Variants in NEUROD2 observed in about 807,000 individuals in gnomAD.
NEUROD2 encodes the protein neuronal differentiation 2, also known as neurogenic differentiation factor 2.
NEUROD2 carries 5 observed loss-of-function variants against 9.3 expected under a neutral mutation model. The ratio of observed to expected loss-of-function variants is 0.54; its 90% CI spans 0.28 to 1.13. The LOEUF (loss-of-function observed/expected upper bound fraction) is 1.13, where lower values mean the gene tolerates loss of function less well. NEUROD2 is among the 50% of genes most tolerant of loss of function. NEUROD2 has a pLI of 0.10. For missense variants in NEUROD2, 376 were observed against 549.2 expected (o/e 0.68, Z 3.15); for synonymous variants, 277 against 257.3 (o/e 1.08, Z -0.73).
rs1457200994 is a variant in NEUROD2 at position 39,605,743 on chromosome 17, G to C, written c.857C>G (p.Ala286Gly). 4 of 1,502,844 alleles carry C rather than the reference G, an allele frequency of 2.7e-6. No individual in the cohort carries two copies. Among genetic ancestry groups the C allele is most frequent in the Admixed American group, 4.5e-5 (2 of 44,072 alleles). The allele number at this position is 1,502,844 out of a possible 1,614,324, so 93.1% of individuals were successfully genotyped here. A position where few individuals can be genotyped will look rare whatever the true frequency, so the allele number is the denominator to read the frequency against. The part of the protein sequence containing the change: ...TLYAAAGGGG[A>G]SPDYNSSEYE... Reference sequence around the variant, plus strand: ...CTCGGAGCTGTTGTAGTCCGGGCTCGCGCCGCCACCGCCTGCCGCCGCATA... The same window carrying C: ...CTCGGAGCTGTTGTAGTCCGGGCTCCCGCCGCCACCGCCTGCCGCCGCATA... Residue 286 changes from alanine to glycine, a missense_variant, in exon 2 of 2, where the codon GCG becomes GGG. Coordinates refer to ENST00000302584, the MANE Select transcript of NEUROD2 (RefSeq NM_006160.4). This position sits in a 1 kb window ranked among gnomAD's most constrained non-coding sequence, Gnocchi z 6.8.
chr17:39,605,643 G>A lies in NEUROD2; in HGVS notation c.957C>T (p.His319=). The A allele has an allele frequency of 1.2e-6, 2 of 1,612,994 alleles. No homozygotes were observed. Among genetic ancestry groups the A allele is most frequent in the Non-Finnish European group, 1.7e-6 (2 of 1,179,544 alleles). ...FSLKQDSSPD[H]EKSYHYSMHY... ...GCATAGAGTAGTGGTAGCTTTTCTC[G>A]TGGTCGGGCGAGGAGTCCTGCTTGA... The change falls in exon 2 of 2, where the codon CAC becomes CAT. Residue 319 remains histidine, a synonymous_variant. Transcript: ENST00000302584. The surrounding 1 kb of genome is among the most constrained non-coding windows in gnomAD (Gnocchi z 6.8).
chr17:39,605,323 C>G lies in NEUROD2; in HGVS notation c.*128G>C, dbSNP rs946651069. On this transcript the variant is annotated 3_prime_UTR_variant, in exon 2 of 2. Transcript: ENST00000302584. The surrounding 1 kb of genome is among the most constrained non-coding windows in gnomAD (Gnocchi z 6.8). ...ACAGGACTGCGCTGCCCCAGGAGAG[C>G]GGCAGGACCGGTGGCCCGCTCCCCG... 6 of 1,253,390 alleles carry G rather than the reference C, an allele frequency of 4.8e-6. No individual in the cohort carries two copies. The highest frequency in any genetic ancestry group is 6.4e-6 in the Non-Finnish European group (6 of 930,358). The allele number at this position is 1,253,390 out of a possible 1,614,324, so 77.6% of individuals were successfully genotyped here.
At position 39,604,864 on chromosome 17, in the gene NEUROD2, CTCTT is replaced by C. The variant is rs2056760688; in HGVS notation, c.*583_*586del. 1 of 137,794 alleles carries C rather than the reference CTCTT, an allele frequency of 7.3e-6. No homozygotes were observed. Among genetic ancestry groups the C allele is most frequent in the Non-Finnish European group, 1.5e-5 (1 of 65,874 alleles). The allele number at this position is 137,794 out of a possible 1,614,324, so 8.5% of individuals were successfully genotyped here. A position where few individuals can be genotyped will look rare whatever the true frequency, so the allele number is the denominator to read the frequency against. ...CTAGTTACAAATTGTCTTGGCCTCT[CTCTT>C]TCCTCTCAATCCACTTCCCCTCCCG... On this transcript the variant is annotated 3_prime_UTR_variant, in exon 2 of 2. Transcript: ENST00000302584.
chr17:39,604,761 T>TG lies in NEUROD2; in HGVS notation c.*689_*690insC, dbSNP rs2056759853. 8.2e-6 allele frequency: 1 copy of TG among 121,218 alleles called. No homozygotes were observed. The highest frequency in any genetic ancestry group is 2.3e-4 in the East Asian group (1 of 4,322). The allele number at this position is 121,218 out of a possible 1,614,324, so 7.5% of individuals were successfully genotyped here. A position where few individuals can be genotyped will look rare whatever the true frequency, so the allele number is the denominator to read the frequency against. On this transcript the variant is annotated 3_prime_UTR_variant, in exon 2 of 2. Transcript: ENST00000302584. Reference sequence around the variant, plus strand: ...GGCTTCCGTCGCCTCTTAGCTTTTTTTTTTTTTTTTTTTTTTTTTTTTTTT... The same window carrying TG: ...GGCTTCCGTCGCCTCTTAGCTTTTTTGTTTTTTTTTTTTTTTTTTTTTTTTT...
chr17:39,607,759 GA>G lies in NEUROD2; in HGVS notation c.-38del, dbSNP rs1050198981. ...GAGGAGTCAAGGGGAGAGGGGAGGG[GA>G]GGGGGGGAGGGGGCAAGAGAGAGAG... On this transcript the variant is annotated 5_prime_UTR_variant, in exon 1 of 2. Coordinates refer to ENST00000302584, the MANE Select transcript of NEUROD2 (RefSeq NM_006160.4). 3.6e-5 allele frequency: 6 copies of G among 166,550 alleles called. No individual in the cohort carries two copies. The highest frequency in any genetic ancestry group is 1.4e-4 in the African/African-American group (6 of 41,610). 10.3% of individuals were successfully genotyped at this position (166,550 alleles called of 1,614,324 possible).
Position 39,605,182 on chromosome 17 carries a change from G to T in NEUROD2, c.*269C>A. The T allele has an allele frequency of 2.8e-6, 1 of 359,194 alleles. No individual in the cohort carries two copies. Among genetic ancestry groups the T allele is most frequent in the Non-Finnish European group, 5.0e-6 (1 of 200,040 alleles). 22.3% of individuals were successfully genotyped at this position (359,194 alleles called of 1,614,324 possible). A position where few individuals can be genotyped will look rare whatever the true frequency, so the allele number is the denominator to read the frequency against. Reference sequence around the variant, plus strand: ...GAGGGGTGCCTCCAGGGAGCCCCCGGAGAGAGGTCCCTGGAGAAGCACTCC... The same window carrying T: ...GAGGGGTGCCTCCAGGGAGCCCCCGTAGAGAGGTCCCTGGAGAAGCACTCC... On this transcript the variant is annotated 3_prime_UTR_variant, in exon 2 of 2. Transcript: ENST00000302584. The surrounding 1 kb of genome is among the most constrained non-coding windows in gnomAD (Gnocchi z 6.8).
chr17:39,604,114 G>C lies in NEUROD2; in HGVS notation c.*1337C>G, dbSNP rs981491778. On this transcript the variant is annotated 3_prime_UTR_variant, in exon 2 of 2. Transcript: ENST00000302584. ...ATACTCTCTCCAGACACCGGAAATC[G>C]CCAGGTGGCACCCACCGAGGCACAG... The C allele has an allele frequency of 2.0e-5, 3 of 152,518 alleles. No homozygotes were observed. Among genetic ancestry groups the C allele is most frequent in the African/African-American group, 4.8e-5 (2 of 41,370 alleles). 9.4% of individuals were successfully genotyped at this position (152,518 alleles called of 1,614,324 possible). A position where few individuals can be genotyped will look rare whatever the true frequency, so the allele number is the denominator to read the frequency against.
In NEUROD2 at chr17:39,606,084, C is replaced by G; in HGVS notation, c.516G>C (p.Ala172=). The G allele has an allele frequency of 1.2e-6, 2 of 1,614,040 alleles. No individual in the cohort carries two copies. Among genetic ancestry groups the G allele is most frequent in the Non-Finnish European group, 1.7e-6 (2 of 1,179,942 alleles). ...TLRLAKNYIW[A]LSEILRSGKR... is the part of the protein sequence containing the mutation. The stretch of plus-strand genomic sequence containing the variant: ...TGCCGGAGCGCAGGATCTCCGAGAG[C>G]GCCCAGATATAGTTCTTGGCTAGGC... The change falls in exon 2 of 2, where the codon GCG becomes GCC. Residue 172 remains alanine (A), a synonymous_variant. Coordinates refer to ENST00000302584, the MANE Select transcript of NEUROD2 (RefSeq NM_006160.4). This position sits in a 1 kb window ranked among gnomAD's most constrained non-coding sequence, Gnocchi z 7.8.
In NEUROD2 at chr17:39,605,467, G is replaced by T. The variant is rs1218768629; in HGVS notation, c.1133C>A (p.Ala378Glu). ...DRGPMYEELN[A>E]FFHN ...CGCGAAGTCTCAGTTATGAAAAAACGCATTGAGCTCCTCGTACATGGGGCC... is the reference window on the plus strand; with the variant it reads ...CGCGAAGTCTCAGTTATGAAAAAACTCATTGAGCTCCTCGTACATGGGGCC... Residue 378 changes from alanine to glutamate, a missense_variant, in exon 2 of 2, where the codon GCG becomes GAG. Around this residue, in one of 3 missense-constraint regions of NEUROD2, gnomAD observed 193 missense variants for 255.8 expected, o/e 0.75. Coordinates refer to ENST00000302584, the MANE Select transcript of NEUROD2 (RefSeq NM_006160.4). The surrounding 1 kb of genome is among the most constrained non-coding windows in gnomAD (Gnocchi z 6.8). The T allele has an allele frequency of 3.2e-6, 5 of 1,586,876 alleles. No homozygotes were observed. The highest frequency in any genetic ancestry group is 2.7e-5 in the African/African-American group (2 of 73,542).
rs780813122 is a variant in NEUROD2 at position 39,606,201 on chromosome 17, G to A, written c.399C>T (p.Arg133=). The A allele has an allele frequency of 1.2e-6, 2 of 1,612,540 alleles. No homozygotes were observed. Among genetic ancestry groups the A allele is most frequent in the South Asian group, 1.1e-5 (1 of 91,052 alleles). ...RQKANARERN[R]MHDLNAALDN... ...CCAGGGCTGCGTTCAGGTCGTGCAT[G>A]CGGTTGCGCTCCCGCGCGTTCGCCT... The change falls in exon 2 of 2, where the codon CGC becomes CGT. Residue 133 remains arginine (R), a synonymous_variant. Coordinates refer to ENST00000302584, the MANE Select transcript of NEUROD2 (RefSeq NM_006160.4). The surrounding 1 kb of genome is among the most constrained non-coding windows in gnomAD (Gnocchi z 7.8).
At position 39,605,771 on chromosome 17, in the gene NEUROD2, G is replaced by T; in HGVS notation, c.829C>A (p.Leu277Met). Residue 277 changes from leucine (L) to methionine (M), a missense_variant, in exon 2 of 2, where the codon CTG becomes ATG. Coordinates refer to ENST00000302584, the MANE Select transcript of NEUROD2 (RefSeq NM_006160.4). This position sits in a 1 kb window ranked among gnomAD's most constrained non-coding sequence, Gnocchi z 6.8. ...CCGCCACCGCCTGCCGCCGCATACA[G>T]CGTCTCGTAGGCGGCGCAGTAGCCG... ...THGYCAAYETLYAAAGGGGAS... is the reference protein window; with the variant it reads ...THGYCAAYETMYAAAGGGGAS... 1.4e-6 allele frequency: 2 copies of T among 1,465,460 alleles called. No homozygotes were observed. Among genetic ancestry groups the T allele is most frequent in the Non-Finnish European group, 1.8e-6 (2 of 1,110,650 alleles). The allele number at this position is 1,465,460 out of a possible 1,614,324, so 90.8% of individuals were successfully genotyped here.
chr17:39,604,249 C>A lies in NEUROD2; in HGVS notation c.*1202G>T, dbSNP rs2056756466. On this transcript the variant is annotated 3_prime_UTR_variant, in exon 2 of 2. Transcript: ENST00000302584. ...CCGGCGAGCTCACCTCCTTCTGCCC[C>A]CCGGACGCCGGCGCCGGGCCTGCTT... 6.5e-6 allele frequency: 1 copy of A among 152,710 alleles called. No individual in the cohort carries two copies. Among genetic ancestry groups the A allele is most frequent in the African/African-American group, 2.4e-5 (1 of 41,420 alleles). The allele number at this position is 152,710 out of a possible 1,614,324, so 9.5% of individuals were successfully genotyped here.
chr17:39,605,994 A>G lies in NEUROD2; in HGVS notation c.606T>C (p.Asn202=). Residue 202 remains asparagine (N), a synonymous_variant, in exon 2 of 2, where the codon AAT becomes AAC. Transcript: ENST00000302584. This position sits in a 1 kb window ranked among gnomAD's most constrained non-coding sequence, Gnocchi z 6.8. ...TGAGCTGCAGACAGCCGGCCACCAG[A>G]TTGGTGGTGGGCTGCGACAGACCCT... ...LCKGLSQPTT[N]LVAGCLQLNS... 6.2e-7 allele frequency: 1 copy of G among 1,613,696 alleles called. No homozygotes were observed. Among genetic ancestry groups the G allele is most frequent in the Non-Finnish European group, 8.5e-7 (1 of 1,179,902 alleles).
Position 39,605,745 on chromosome 17 carries a change from G to A in NEUROD2, c.855C>T (p.Gly285=), listed in dbSNP as rs763283937. ...CGGAGCTGTTGTAGTCCGGGCTCGC[G>A]CCGCCACCGCCTGCCGCCGCATACA... ...ETLYAAAGGG[G]ASPDYNSSEY... The change falls in exon 2 of 2, where the codon GGC becomes GGT. Residue 285 remains glycine, a synonymous_variant. Coordinates refer to ENST00000302584, the MANE Select transcript of NEUROD2 (RefSeq NM_006160.4). This position sits in a 1 kb window ranked among gnomAD's most constrained non-coding sequence, Gnocchi z 6.8. The A allele has an allele frequency of 6.7e-7, 1 of 1,490,830 alleles. No homozygotes were observed. The highest frequency in any genetic ancestry group is 1.3e-5 in the South Asian group (1 of 77,208). 92.4% of individuals were successfully genotyped at this position (1,490,830 alleles called of 1,614,324 possible). A position where few individuals can be genotyped will look rare whatever the true frequency, so the allele number is the denominator to read the frequency against.
At position 39,605,379 on chromosome 17, in the gene NEUROD2, C is replaced by A; in HGVS notation, c.*72G>T. 2.1e-6 allele frequency: 3 copies of A among 1,457,664 alleles called. No homozygotes were observed. The highest frequency in any genetic ancestry group is 2.7e-6 in the Non-Finnish European group (3 of 1,100,142). The allele number at this position is 1,457,664 out of a possible 1,614,324, so 90.3% of individuals were successfully genotyped here. On this transcript the variant is annotated 3_prime_UTR_variant, in exon 2 of 2. Transcript: ENST00000302584. The surrounding 1 kb of genome is among the most constrained non-coding windows in gnomAD (Gnocchi z 6.8). ...GGCGCCGGGGTAGGATGGGGGTGTC[C>A]CTGCGCTCTGGGGGCTGGGGACAGG...
Position 39,606,836 on chromosome 17 carries a change from G to A in NEUROD2, c.-5-232C>T. On this transcript the variant is annotated intron_variant, in intron 1 of 1. Transcript: ENST00000302584. This position sits in a 1 kb window ranked among gnomAD's most constrained non-coding sequence, Gnocchi z 7.8. The stretch of plus-strand genomic sequence containing the variant: ...GGCCCTCTCCCCGGCGCTGGGCCCC[G>A]GCTCCGCCCCTCGCTTGAATGGGGG... The A allele has an allele frequency of 2.1e-6, 1 of 480,324 alleles. No individual in the cohort carries two copies. The highest frequency in any genetic ancestry group is 3.6e-6 in the Non-Finnish European group (1 of 276,146). 29.8% of individuals were successfully genotyped at this position (480,324 alleles called of 1,614,324 possible).
rs1480539513 is a variant in NEUROD2, at chr17:39,605,202, C to A, written c.*249G>T. 5.0e-6 allele frequency: 2 copies of A among 400,200 alleles called. No homozygotes were observed. Among genetic ancestry groups the A allele is most frequent in the Non-Finnish European group, 8.8e-6 (2 of 226,628 alleles). 24.8% of individuals were successfully genotyped at this position (400,200 alleles called of 1,614,324 possible). On this transcript the variant is annotated 3_prime_UTR_variant, in exon 2 of 2. Transcript: ENST00000302584. The surrounding 1 kb of genome is among the most constrained non-coding windows in gnomAD (Gnocchi z 6.8). The stretch of plus-strand genomic sequence containing the variant: ...CCCCGGAGAGAGGTCCCTGGAGAAG[C>A]ACTCCTTGGGAGAGAGGAGGAGGGA...
At chr17:39,607,023 C>T (rs975200374) in intron 1 of NEUROD2, 1 of 162,348 alleles carries the variant, frequency 6.2e-6, no homozygotes, top group Non-Finnish European at 1.3e-5. Flanking sequence ...GGACAGCTGC[C>T]CCGCTCCGCG....
Position 39,604,755 on chromosome 17 carries a change from CTTTTTTTTT to C in NEUROD2, c.*687_*695del, listed in dbSNP as rs67001366. The C allele has an allele frequency of 4.5e-5, 1 of 22,314 alleles. No homozygotes were observed. The allele number at this position is 22,314 out of a possible 1,614,324, so 1.4% of individuals were successfully genotyped here. ...GCGTTCGGCTTCCGTCGCCTCTTAG[CTTTTTTTTT>C]TTTTTTTTTTTTTTTTTTTTTTTTT... On this transcript the variant is annotated 3_prime_UTR_variant, in exon 2 of 2. Coordinates refer to ENST00000302584, the MANE Select transcript of NEUROD2 (RefSeq NM_006160.4).
Sources: allele counts gnomAD v4.1 joint callset, GRCh38; gene constraint gnomAD v4.1.1; regional missense constraint gnomAD v4.1.1; non-coding constraint Gnocchi (gnomAD v3.1); transcripts MANE v1.5; gene names NCBI Gene and HGNC (gene_info 2026-07-23, HGNC 2026-07-21).